PCDH11X: variants seen among roughly 807,000 people sequenced by gnomAD.
PCDH11X encodes protocadherin-11 X-linked.
PCDH11X carries 18 observed loss-of-function variants against 53.3 expected under a neutral mutation model. The ratio of observed to expected loss-of-function variants is 0.34; its 90% confidence interval spans 0.23 to 0.50. The LOEUF is 0.50. PCDH11X is among the 20% of genes least tolerant of loss of function. PCDH11X has a pLI of 0.98. For missense variants in PCDH11X, 570 were observed against 1,032.4 expected (o/e 0.55, Z 6.14); for synonymous variants, 279 against 393.3 (o/e 0.71, Z 3.44).
intron 7 of PCDH11X, among the ~76,000 whole-genome samples, chrX:92,226,435 C>G (rs12841527): frequency 0.013 from 1,418 of 111,172 alleles, 11 homozygotes; most frequent in Non-Finnish European, 0.02. Context: ...AGGTATGGAG[C>G]TGACTGTCTC....
chrX:91,797,608 G>A (rs1935779229), intron 1 of PCDH11X, among the ~76,000 whole-genome samples: 1 of 110,869 alleles, frequency 9.0e-6, no homozygotes, highest in South Asian at 3.8e-4. Flanking sequence ...AGGGAGAATT[G>A]AGTTTATTTA....
chrX:92,477,841 T>C (rs745423077), intron 10 of PCDH11X, among the ~76,000 whole-genome samples: 1,333 of 104,536 alleles, frequency 0.013, 26 homozygotes, highest in African/African-American at 0.044. Flanking sequence ...CTTTGTCATT[T>C]CTAATTGTGT....
chrX:92,236,807 C>A (rs1464811977), intron 7 of PCDH11X, among the ~76,000 whole-genome samples: 1 of 111,092 alleles, frequency 9.0e-6, no homozygotes, highest in African/African-American at 3.3e-5. Context: ...GCTTAATAGG[C>A]CTACAAAGAG....
chrX:91,894,272 A>G (rs1462028265), intron 6 of PCDH11X, among the ~76,000 whole-genome samples: 1 of 112,197 alleles, frequency 8.9e-6, no homozygotes, highest in Non-Finnish European at 1.9e-5. Context: ...AGCTATTAAC[A>G]TTCTTAAAGT....
intron 10 of PCDH11X, among the ~76,000 whole-genome samples, chrX:92,616,700 G>A (rs1928007044): frequency 9.3e-6 from 1 of 108,082 alleles, no homozygotes; most frequent in African/African-American, 3.4e-5. Flanking sequence ...AAATTGGTTG[G>A]CTAATCTAAT....
chrX:92,434,258 G>C (rs2072318196), intron 9 of PCDH11X, among the ~76,000 whole-genome samples: 1 of 108,947 alleles, frequency 9.2e-6, no homozygotes, highest in African/African-American at 3.4e-5. Context: ...ACAAAAAGAA[G>C]CTTAATGAAA....
intron 9 of PCDH11X, among the ~76,000 whole-genome samples, chrX:92,439,690 C>A (rs1232021189): frequency 9.2e-6 from 1 of 108,522 alleles, no homozygotes; most frequent in East Asian, 3.0e-4. Flanking sequence ...AAAGAGATAT[C>A]AACTTCAACA....
At chrX:92,283,280 T>G (rs2068289690) in intron 8 of PCDH11X, among the ~76,000 whole-genome samples, 1 of 111,394 alleles carries the variant, frequency 9.0e-6, no homozygotes, top group Non-Finnish European at 1.9e-5. Context: ...GCTTGCCCCT[T>G]TCTTTCCTGT....
chrX:92,082,904 C>A (rs925410476), intron 6 of PCDH11X, among the ~76,000 whole-genome samples: 4 of 97,771 alleles, frequency 4.1e-5, no homozygotes, highest in Non-Finnish European at 9.0e-5. Context: ...TTAAGTAACA[C>A]AATTATTGCA....
intron 8 of PCDH11X, among the ~76,000 whole-genome samples, chrX:92,269,502 A>G (rs2067905461): frequency 9.0e-6 from 1 of 111,132 alleles, no homozygotes; most frequent in Admixed American, 9.6e-5. Context: ...TTTCTTTCAC[A>G]ATTTCCAGCC....
At chrX:92,592,688 A>G (rs1925159724) in intron 10 of PCDH11X, among the ~76,000 whole-genome samples, 1 of 112,077 alleles carries the variant, frequency 8.9e-6, no homozygotes, top group Non-Finnish European at 1.9e-5. Flanking sequence ...CCGAGATCGC[A>G]TCACTGCACT....
intron 6 of PCDH11X, among the ~76,000 whole-genome samples, chrX:92,132,549 A>G (rs7888110): frequency 1.1e-4 from 11 of 102,553 alleles, no homozygotes; most frequent in African/African-American, 3.9e-4. Flanking sequence ...CAGAGGTTGC[A>G]GCGAGCCGAG....
intron 7 of PCDH11X, among the ~76,000 whole-genome samples, chrX:92,222,580 C>T (rs950750034): frequency 3.6e-5 from 4 of 111,619 alleles, no homozygotes; most frequent in Non-Finnish European, 7.5e-5. Flanking sequence ...GTTGGAAATA[C>T]GATAGGACAA....
rs1309304482 is a variant in PCDH11X at position 92,110,103 on chromosome X, C to A, written c.3034-91272C>A. ...GATTGATTAGTCCCTAAATATAAAT[C>A]AATCATATATTTAAAAGGATTTTTA... is the stretch of plus-strand genomic sequence containing the variant. On this transcript the variant is annotated intron_variant, in intron 6 of 10. Coordinates refer to ENST00000682573, the MANE Select transcript of PCDH11X (RefSeq NM_032968.5). 4.5e-5 allele frequency among the ~76,000 whole-genome samples: 5 copies of A among 111,575 alleles called. No homozygotes were observed. The South Asian group carries it at 1.1e-3, about 25-fold the overall frequency.
intron 8 of PCDH11X, among the ~76,000 whole-genome samples, chrX:92,340,667 G>A (rs1332062701): frequency 8.9e-6 from 1 of 112,134 alleles, no homozygotes; most frequent in East Asian, 2.8e-4. Flanking sequence ...CCAAGGCTAT[G>A]CAGGGCAGTG....
intron 4 of PCDH11X, among the ~76,000 whole-genome samples, chrX:91,820,527 T>A (rs1367959123): frequency 1.0e-5 from 1 of 97,985 alleles, no homozygotes; most frequent in African/African-American, 4.5e-5. Context: ...TTGTTTGTTT[T>A]TTTCTTGTAA....
intron 7 of PCDH11X, among the ~76,000 whole-genome samples, chrX:92,219,193 C>G (rs1253206139): frequency 9.0e-5 from 10 of 110,510 alleles, no homozygotes; most frequent in Non-Finnish European, 1.9e-5. Flanking sequence ...GAAGTTCTGG[C>G]TAGGGCAATT....
At chrX:92,071,701 G>A (rs752799516) in intron 6 of PCDH11X, among the ~76,000 whole-genome samples, 3 of 111,228 alleles carry the variant, frequency 2.7e-5, no homozygotes, top group Non-Finnish European at 5.7e-5. Flanking sequence ...GGTAGTCTTG[G>A]ATAATATCTG....
chrX:92,396,927 C>T (rs2071262011), intron 9 of PCDH11X, among the ~76,000 whole-genome samples: 1 of 44,662 alleles, frequency 2.2e-5, no homozygotes, highest in Non-Finnish European at 3.7e-5. Context: ...AGTACAACTC[C>T]TTTTCATCTC....
Sources: allele counts gnomAD v4.1 joint callset (sites outside exome capture counted in the v4.1 genomes callset), GRCh38; gene constraint gnomAD v4.1.1; transcripts MANE v1.5; gene names NCBI Gene and HGNC (gene_info 2026-07-23, HGNC 2026-07-21).